PIGN: variants seen among roughly 807,000 people sequenced by gnomAD.
PIGN encodes GPI ethanolamine phosphate transferase 1.
Under a neutral mutation model 125.4 loss-of-function variants are expected in PIGN, and 117 were observed. The ratio of observed to expected loss-of-function variants is 0.93; its 90% CI spans 0.80 to 1.09. The LOEUF (loss-of-function observed/expected upper bound fraction) is 1.09, where lower values mean the gene tolerates loss of function less well. PIGN is among the 50% of genes least tolerant of loss of function. The probability of loss-of-function intolerance (pLI) is 0.00; values close to 1 mark genes in which losing one functional copy is unlikely to be tolerated. For synonymous variants in PIGN, 392 were observed against 377.8 expected (o/e 1.04, Z -0.44); for missense variants, 1,075 against 1,094.9 (o/e 0.98, Z 0.26).
intron 21 of PIGN, among the ~76,000 whole-genome samples, chr18:62,101,827 A>G (rs970767101): frequency 2.0e-5 from 3 of 152,200 alleles, no homozygotes; most frequent in Non-Finnish European, 2.9e-5. Context: ...TTAAAAAGAA[A>G]AACAGATGTT....
chr18:62,150,877 T>A (rs1424561533), intron 7 of PIGN, among the ~76,000 whole-genome samples: 1 of 152,056 alleles, frequency 6.6e-6, no homozygotes, highest in African/African-American at 2.4e-5. Flanking sequence ...AATTTTTGTA[T>A]TTTTAGTAGA....
intron 22 of PIGN, among the ~76,000 whole-genome samples, chr18:62,096,301 A>G (rs181662497): frequency 1.3e-5 from 2 of 152,134 alleles, no homozygotes; most frequent in Admixed American, 1.3e-4. Flanking sequence ...ATCTTAAAAA[A>G]AAAAGTTACT....
At chr18:62,109,753 G>A (rs946234572) in intron 17 of PIGN, 81 bp downstream of exon 17, 1 of 1,218,552 alleles carries the variant, frequency 8.2e-7, no homozygotes, top group Non-Finnish European at 1.2e-6. Context: ...ATGACTTATG[G>A]TACAGAAATC....
intron 14 of PIGN, among the ~76,000 whole-genome samples, chr18:62,127,581 A>C (rs1249185637): frequency 6.6e-6 from 1 of 152,234 alleles, no homozygotes; most frequent in Non-Finnish European, 1.5e-5. Flanking sequence ...AGTGCCTTGC[A>C]TACACTAAGT....
intron 14 of PIGN, chr18:62,118,416 C>G (rs2035169988): frequency 1.3e-5 from 2 of 151,752 alleles, no homozygotes; most frequent in African/African-American, 2.4e-5. Flanking sequence ...CCAAAACAAT[C>G]AAGTAATGAA....
chr18:62,020,290 G>A lies in PIGN; in HGVS notation c.2143-2549C>T, dbSNP rs1375233937. Among the ~76,000 whole-genome samples, 5 of 152,174 alleles carry A rather than the reference G, an allele frequency of 3.3e-5. No homozygotes were observed. The East Asian group carries it at 5.8e-4, about 18-fold the overall frequency. The stretch of plus-strand genomic sequence containing the variant: ...CTACCAAGATGATCTGTAAGGAAAC[G>A]AACTGCCGGGCAGCACAAAATCCAA... On this transcript the variant is annotated intron_variant, in intron 23 of 24. Coordinates refer to the PIGN transcript ENST00000639600.
chr18:62,109,702 G>A, intron 17 of PIGN, 132 bp downstream of exon 17: 1 of 623,506 alleles, frequency 1.6e-6, no homozygotes, highest in Non-Finnish European at 2.7e-6. Flanking sequence ...TGAAGTGAGA[G>A]GGACTGGAGG....
intron 17 of PIGN, among the ~76,000 whole-genome samples, chr18:62,109,542 A>G (rs1387642376): frequency 6.6e-6 from 1 of 152,218 alleles, no homozygotes; most frequent in Non-Finnish European, 1.5e-5. Context: ...TATGATCAAT[A>G]TTAATCGTTA....
intron 6 of PIGN, among the ~76,000 whole-genome samples, 161 bp downstream of exon 6, chr18:62,156,967 GA>G (rs949188391): frequency 1.1e-4 from 17 of 150,536 alleles, no homozygotes; most frequent in African/African-American, 4.2e-4. Flanking sequence ...AACTAAGAAG[GA>G]AAAAAAAATA....
chr18:62,019,194 A>T (rs1233129932), intron 23 of PIGN, among the ~76,000 whole-genome samples: 1 of 152,190 alleles, frequency 6.6e-6, no homozygotes, highest in Non-Finnish European at 1.5e-5. Flanking sequence ...AACAAAAAAA[A>T]GCAAAGCAAA....
At chr18:62,072,056 G>A (rs1158029557) in intron 30 of PIGN, among the ~76,000 whole-genome samples, 1 of 148,898 alleles carries the variant, frequency 6.7e-6, no homozygotes, top group South Asian at 2.1e-4. Flanking sequence ...CTGACCCTCT[G>A]TAGGCCTAGG....
At chr18:62,157,571 C>T in intron 5 of PIGN, 116 bp downstream of exon 5, 1 of 1,008,302 alleles carries the variant, frequency 9.9e-7, no homozygotes, top group Non-Finnish European at 1.5e-6. Context: ...CATGCTAAAA[C>T]ATTTGTCCAA....
intron 28 of PIGN, chr18:62,075,221 T>A (rs1275896659): frequency 1.8e-5 from 3 of 163,754 alleles, no homozygotes; most frequent in African/African-American, 7.2e-5. Context: ...ACAATGACAC[T>A]GATACTGTCA....
intron 11 of PIGN, among the ~76,000 whole-genome samples, chr18:62,141,327 T>C (rs1411689377): frequency 1.3e-5 from 2 of 152,256 alleles, no homozygotes; most frequent in Non-Finnish European, 2.9e-5. Flanking sequence ...ACTTATAAAG[T>C]ACCTGGCACA....
intron 14 of PIGN, among the ~76,000 whole-genome samples, chr18:62,117,175 C>T (rs2035118580): frequency 6.6e-6 from 1 of 152,048 alleles, no homozygotes; most frequent in African/African-American, 2.4e-5. Context: ...ATTAAAGACT[C>T]TCATACACTT....
chr18:62,118,394 A>T (rs2035168915), intron 14 of PIGN, among the ~76,000 whole-genome samples: 1 of 152,172 alleles, frequency 6.6e-6, no homozygotes, highest in African/African-American at 2.4e-5. Context: ...CAATAAAATA[A>T]ATTTGAAGGT....
intron 7 of PIGN, among the ~76,000 whole-genome samples, chr18:62,148,899 G>T (rs930855123): frequency 6.6e-5 from 10 of 152,076 alleles, no homozygotes; most frequent in Non-Finnish European, 1.5e-4. Flanking sequence ...ACTTGGCAGG[G>T]TGAGGCTGGG....
chr18:62,096,123 C>T lies in PIGN; in HGVS notation c.2078-173G>A, dbSNP rs141900505. ...CAGCCTTGCCAACATGATAAAACCCCGTCTCTACTAAAAATACAAAAATTA... is the reference window on the plus strand; with the variant it reads ...CAGCCTTGCCAACATGATAAAACCCTGTCTCTACTAAAAATACAAAAATTA... On this transcript the variant is annotated intron_variant, in intron 22 of 30. Coordinates refer to ENST00000640252, the MANE Select transcript of PIGN (RefSeq NM_176787.5). Among the ~76,000 whole-genome samples, 1,674 of 152,110 alleles carry T rather than the reference C, an allele frequency of 0.011. 23 individuals carry two copies. Among genetic ancestry groups the T allele is most frequent in the East Asian group, 0.073 (380 of 5,176 alleles).
chr18:62,091,882 T>A (rs2033978166), intron 23 of PIGN, among the ~76,000 whole-genome samples: 1 of 152,194 alleles, frequency 6.6e-6, no homozygotes, highest in East Asian at 1.9e-4. Flanking sequence ...CTGGCCCAGC[T>A]CACAAATATT....
Sources: allele counts gnomAD v4.1 joint callset (sites outside exome capture counted in the v4.1 genomes callset), GRCh38; gene constraint gnomAD v4.1.1; transcripts MANE v1.5; gene names NCBI Gene and HGNC (gene_info 2026-07-23, HGNC 2026-07-21).